Variants in EGFR observed in about 807,000 individuals in gnomAD.
EGFR encodes the protein epidermal growth factor receptor, also known as avian erythroblastic leukemia viral (v-erb-b) oncogene homolog.
In EGFR, 58 loss-of-function variants were observed where a neutral mutation model predicts 143.0. That is an observed-to-expected ratio of 0.41 (90% CI 0.33 to 0.50). EGFR has a LOEUF of 0.50. EGFR is among the 20% of genes least tolerant of loss of function. The pLI, the probability that EGFR is intolerant of heterozygous loss-of-function variation, is 0.39. For synonymous variants in EGFR, 613 were observed against 594.4 expected, an observed-to-expected ratio of 1.03 and a Z score of -0.45; for missense variants, 1,307 against 1,579.0, an observed-to-expected ratio of 0.83 and a Z score of 2.92.
intron 20 of EGFR, chr7:55,181,925 G>A (rs955117944): frequency 9.1e-5 from 25 of 275,918 alleles, no homozygotes; most frequent in African/African-American, 4.8e-4. Flanking sequence ...GTGAGGAGGT[G>A]CAAGGAGCTG....
At position 55,162,993 on chromosome 7, in the gene EGFR, C is replaced by T. The variant is rs17336849; in HGVS notation, c.1632-740C>T. The stretch of plus-strand genomic sequence containing the variant: ...TTTTAGTAGAGACGGGGTTTCACCA[C>T]GTTGGCCAGGCTGGTCTCAAACTCC... On this transcript the variant is annotated intron_variant, in intron 13 of 27. Coordinates refer to ENST00000275493, the MANE Select transcript of EGFR (RefSeq NM_005228.5). Among the ~76,000 whole-genome samples, 1,243 of 152,286 alleles carry T rather than the reference C, an allele frequency of 8.2e-3. 23 individuals are homozygous for T. The highest frequency in any genetic ancestry group is 0.028 in the African/African-American group (1,162 of 41,552).
chr7:55,159,349 C>T lies in EGFR; in HGVS notation c.1299-790C>T, dbSNP rs1054487294. Among the ~76,000 whole-genome samples the T allele has an allele frequency of 2.6e-5, 4 of 151,506 alleles. 1 individual carries two copies. In the South Asian group the frequency reaches 6.3e-4, roughly 24 times the overall value. ...TAGTGGTTCTCATGTCCACCGCGTG[C>T]TTTCCTGCTCCTCCAGGTGGCTGAG... is the stretch of plus-strand genomic sequence containing the variant. On this transcript the variant is annotated intron_variant, in intron 11 of 27. Coordinates refer to ENST00000275493, the MANE Select transcript of EGFR (RefSeq NM_005228.5).
chr7:55,094,937 C>T (rs889452594), intron 1 of EGFR, among the ~76,000 whole-genome samples: 2 of 152,222 alleles, frequency 1.3e-5, no homozygotes, highest in South Asian at 2.1e-4. Flanking sequence ...GCAGCAGCGG[C>T]AACCATAAAC....
intron 1 of EGFR, among the ~76,000 whole-genome samples, chr7:55,127,624 G>C (rs1793606686): frequency 6.6e-6 from 1 of 152,164 alleles, no homozygotes; most frequent in African/African-American, 2.4e-5. Context: ...AATTAGCTGA[G>C]TAGAAGGCAC....
intron 1 of EGFR, among the ~76,000 whole-genome samples, chr7:55,111,373 T>G (rs1007646945): frequency 3.3e-5 from 5 of 152,086 alleles, no homozygotes; most frequent in Non-Finnish European, 5.9e-5. Context: ...CGTTTTGTTT[T>G]TTTTTTTTTC....
At chr7:55,063,740 G>A (rs1260577539) in intron 1 of EGFR, among the ~76,000 whole-genome samples, 1 of 152,176 alleles carries the variant, frequency 6.6e-6, no homozygotes, top group Non-Finnish European at 1.5e-5. Flanking sequence ...GCAAAAGGAT[G>A]GAGTGGCAGA....
At chr7:55,171,249 T>A (rs2128951476) in intron 16 of EGFR, 36 bp downstream of exon 16, 1 of 1,613,866 alleles carries the variant, frequency 6.2e-7, no homozygotes, top group Non-Finnish European at 8.5e-7. Context: ...ATGGACCTCG[T>A]CAAGAATGAC....
intron 1 of EGFR, among the ~76,000 whole-genome samples, chr7:55,063,375 A>T (rs1789306371): frequency 6.6e-6 from 1 of 152,158 alleles, no homozygotes. Context: ...ATCGAACCAC[A>T]TGTGCTGATG....
At chr7:55,170,385 C>T (rs1453160016) in intron 15 of EGFR, 11 of 1,614,070 alleles carry the variant, frequency 6.8e-6, no homozygotes, top group South Asian at 1.1e-5. Context: ...ATGATGGCAG[C>T]GTGTCCCACC....
At chr7:55,031,587 T>A (rs1008301244) in intron 1 of EGFR, among the ~76,000 whole-genome samples, 1 of 152,226 alleles carries the variant, frequency 6.6e-6, no homozygotes, top group Non-Finnish European at 1.5e-5. Context: ...CCATCTTTCC[T>A]TATCACATGA....
At chr7:55,107,970 A>G (rs915685329) in intron 1 of EGFR, among the ~76,000 whole-genome samples, 1 of 152,268 alleles carries the variant, frequency 6.6e-6, no homozygotes, top group Non-Finnish European at 1.5e-5. Flanking sequence ...TGTATAAAAG[A>G]ACCATCTTTT....
At chr7:55,153,324 G>A (rs746456690) in intron 6 of EGFR, among the ~76,000 whole-genome samples, 18 of 152,250 alleles carry the variant, frequency 1.2e-4, no homozygotes, top group African/African-American at 4.3e-4. Flanking sequence ...GGTCAGAAGC[G>A]TCTTGGAAGT....
At chr7:55,158,826 G>T (rs373573847) in intron 11 of EGFR, among the ~76,000 whole-genome samples, 1 of 152,294 alleles carries the variant, frequency 6.6e-6, no homozygotes, top group East Asian at 1.9e-4. Context: ...GGGCATATGT[G>T]GGGGAGAATT....
At chr7:55,189,221 A>G (rs1481425981) in intron 20 of EGFR, among the ~76,000 whole-genome samples, 1 of 152,164 alleles carries the variant, frequency 6.6e-6, no homozygotes, top group Non-Finnish European at 1.5e-5. Context: ...CAGCAGGGCA[A>G]TTAAAGCCAT....
chr7:55,045,997 G>A (rs1788156125), intron 1 of EGFR, among the ~76,000 whole-genome samples: 1 of 152,008 alleles, frequency 6.6e-6, no homozygotes, highest in Admixed American at 6.6e-5. Context: ...AAAATATTTG[G>A]GACATATTGA....
Position 55,205,721 on chromosome 7 carries a change from A to G in EGFR, c.*104A>G. On this transcript the variant is annotated 3_prime_UTR_variant, in exon 28 of 28. Coordinates refer to ENST00000275493, the MANE Select transcript of EGFR (RefSeq NM_005228.5). The stretch of plus-strand genomic sequence containing the variant: ...AACAGCCATGCCCGCATTAGCTCTT[A>G]GACCCACAGACTGGTTTTGCAACGT... 6.3e-7 allele frequency: 1 copy of G among 1,584,442 alleles called. No individual in the cohort carries two copies. Among genetic ancestry groups the G allele is most frequent in the South Asian group, 1.1e-5 (1 of 89,582 alleles).
rs755584255 is a variant in EGFR, at chr7:55,161,630, G to A, written c.1630G>A (p.Gly544Ser). ...CGTGGACAAGTGCAACCTTCTGGAG[G>A]GGTAGGAGGTTATTTCTTTAATCCC... ...ECVDKCNLLE[G>S]EPREFVENSE... is the part of the protein sequence containing the mutation. The change falls in exon 13 of 28, where the codon GGT becomes AGT. Residue 544 changes from glycine (G) to serine (S), a missense_variant and splice_region_variant. Gly to Ser is a moderately conservative substitution (Grantham distance 56). This residue lies in a region of EGFR where 250 missense variants were observed against 295.1 expected (regional missense o/e 0.85). Coordinates refer to ENST00000275493, the MANE Select transcript of EGFR (RefSeq NM_005228.5). 4 of 1,614,246 alleles carry A rather than the reference G, an allele frequency of 2.5e-6. No homozygotes were observed. The South Asian group carries it at 3.3e-5, about 13-fold the overall frequency.
chr7:55,080,302 T>C lies in EGFR; in HGVS notation c.88+60937T>C, dbSNP rs73342730. Among the ~76,000 whole-genome samples the C allele has an allele frequency of 9.3e-3, 1,415 of 152,156 alleles. 16 individuals are homozygous for C. The highest frequency in any genetic ancestry group is 0.032 in the African/African-American group (1,323 of 41,494). ...AATCAGGAGCTTTTGTTTCTTTTTG[T>C]TTTGTTTTTAGTAACTGCCAGTCAC... On this transcript the variant is annotated intron_variant, in intron 1 of 27. Coordinates refer to ENST00000275493, the MANE Select transcript of EGFR (RefSeq NM_005228.5).
chr7:55,026,383 C>G (rs1312872145), intron 1 of EGFR, among the ~76,000 whole-genome samples: 2 of 152,212 alleles, frequency 1.3e-5, no homozygotes, highest in South Asian at 2.1e-4. Flanking sequence ...CACCCCTCCT[C>G]CTTTTTATAA....
Sources: gnomAD v4.1 joint callset for allele counts (sites outside exome capture counted in the v4.1 genomes callset) on GRCh38, gnomAD v4.1.1 for gene constraint, gnomAD v4.1.1 regional missense constraint, MANE v1.5 for transcripts, NCBI Gene and HGNC (gene_info 2026-07-23, HGNC 2026-07-21) for gene names.